PRSS22: variants seen among roughly 807,000 people sequenced by gnomAD.
PRSS22 encodes the protein brain-specific serine protease 4.
Under a neutral mutation model 28.0 loss-of-function variants are expected in PRSS22, and 26 were observed. That is an observed-to-expected ratio of 0.93 (90% confidence interval 0.68 to 1.29). The LOEUF (loss-of-function observed/expected upper bound fraction) is 1.29, where lower values mean the gene tolerates loss of function less well. Among genes scored for constraint, PRSS22 ranks in the 50% most tolerant of loss-of-function variants. The pLI is 0.00. For synonymous variants in PRSS22, 217 were observed against 177.9 expected (o/e 1.22, Z -1.75); for missense variants, 444 against 422.1 (o/e 1.05, Z -0.46).
intron 4 of PRSS22, among the ~76,000 whole-genome samples, chr16:2,855,347 C>CAAAAAAAAAAAAAAA (rs33950878): frequency 1.3e-3 from 87 of 68,962 alleles, no homozygotes; most frequent in Admixed American, 1.8e-3. Context: ...CACCCTGTCT[C>CAAAAAAAAAAAAAAA]AAAAAAAAAA....
chr16:2,852,783 G>A lies in PRSS22; in HGVS notation c.*310C>T. ...AGGAATAAATAAGATATGTGGGCAGGGTTACAAATACCTATAAAAATCATT... is the reference window on the plus strand; with the variant it reads ...AGGAATAAATAAGATATGTGGGCAGAGTTACAAATACCTATAAAAATCATT... On this transcript the variant is annotated 3_prime_UTR_variant, in exon 6 of 6. Transcript: ENST00000161006. 7.8e-6 allele frequency: 3 copies of A among 386,280 alleles called. No homozygotes were observed. The highest frequency in any genetic ancestry group is 1.4e-5 in the Non-Finnish European group (3 of 216,890). The allele number at this position is 386,280 out of a possible 1,614,324, so 23.9% of individuals were successfully genotyped here. A position where few individuals can be genotyped will look rare whatever the true frequency, so the allele number is the denominator to read the frequency against.
intron 4 of PRSS22, chr16:2,854,274 A>T (rs1438312893): frequency 2.1e-6 from 1 of 467,462 alleles, no homozygotes; most frequent in Non-Finnish European, 3.9e-6. Flanking sequence ...ATATCCACAG[A>T]TGGTTAGAGC....
rs747124300 is a variant in PRSS22 at position 2,856,264 on chromosome 16, C to T, written c.110-11G>A. The stretch of plus-strand genomic sequence containing the variant: ...CACAGGCTGGGGGAACTGGAGGGTA[C>T]GGTCAAGTTTTGTTATCTCCAACTT... On this transcript the variant is annotated splice_polypyrimidine_tract_variant and intron_variant, in intron 2 of 5. Transcript: ENST00000161006. The T allele has an allele frequency of 3.3e-5, 53 of 1,612,680 alleles. No individual in the cohort carries two copies. The highest frequency in any genetic ancestry group is 9.9e-5 in the South Asian group (9 of 91,048).
chr16:2,854,143 C>A, intron 4 of PRSS22, 121 bp from the exon 5 acceptor site: 1 of 1,103,218 alleles, frequency 9.1e-7, no homozygotes. Flanking sequence ...AACAGATTAG[C>A]TCTACCAGTC....
In PRSS22 at chr16:2,852,924, G is replaced by A. The variant is rs1161209823; in HGVS notation, c.*169C>T. 3 of 588,822 alleles carry A rather than the reference G, an allele frequency of 5.1e-6. No homozygotes were observed. Among genetic ancestry groups the A allele is most frequent in the Non-Finnish European group, 5.9e-6 (2 of 341,842 alleles). The allele number at this position is 588,822 out of a possible 1,614,324, so 36.5% of individuals were successfully genotyped here. On this transcript the variant is annotated 3_prime_UTR_variant, in exon 6 of 6. Transcript: ENST00000161006. ...CTTGGAGGCGGGGCCTGAGGCCGTC[G>A]GGCGGGTCGGGGAGGGGGTTTCCTT...
Position 2,853,799 on chromosome 16 carries a change from C to T in PRSS22, c.717+66G>A. ...GAGAGGTTGTGGGGCTCAGTGGGGACAGGACTGACGCTGGCTCCTTCCCGA... is the reference window on the plus strand; with the variant it reads ...GAGAGGTTGTGGGGCTCAGTGGGGATAGGACTGACGCTGGCTCCTTCCCGA... On this transcript the variant is annotated intron_variant, in intron 5 of 5. Coordinates refer to ENST00000161006, the MANE Select transcript of PRSS22 (RefSeq NM_022119.4). This position sits in a 1 kb window ranked among gnomAD's most constrained non-coding sequence, Gnocchi z 4.6. The T allele has an allele frequency of 6.3e-7, 1 of 1,575,726 alleles. No homozygotes were observed. The highest frequency in any genetic ancestry group is 1.1e-5 in the South Asian group (1 of 87,622).
intron 4 of PRSS22, 66 bp from the exon 5 acceptor site, chr16:2,854,088 A>G: frequency 1.3e-6 from 2 of 1,563,750 alleles, no homozygotes; most frequent in East Asian, 4.5e-5. Context: ...TCAAAGGACT[A>G]TTCCCCCCCA....
chr16:2,856,265 G>A lies in PRSS22; in HGVS notation c.110-12C>T, dbSNP rs373795208. 325 of 1,612,520 alleles carry A rather than the reference G, an allele frequency of 2.0e-4. No homozygotes were observed. The highest frequency in any genetic ancestry group is 7.1e-4 in the Middle Eastern group (4 of 5,608). ...ACAGGCTGGGGGAACTGGAGGGTAC[G>A]GTCAAGTTTTGTTATCTCCAACTTC... On this transcript the variant is annotated splice_polypyrimidine_tract_variant and intron_variant, in intron 2 of 5. Transcript: ENST00000161006.
chr16:2,856,914 T>C, intron 1 of PRSS22, 66 bp from the exon 2 acceptor site: 1 of 1,529,386 alleles, frequency 6.5e-7, no homozygotes, highest in Non-Finnish European at 8.9e-7. Context: ...TGAGGGGCCC[T>C]CAACGCCCAG....
chr16:2,854,556 A>C (rs1489215413), intron 4 of PRSS22: 1 of 153,544 alleles, frequency 6.5e-6, no homozygotes, highest in African/African-American at 2.4e-5. Flanking sequence ...CATTTCTCTT[A>C]ATTATTCTGG....
chr16:2,855,919 T>A (rs2069451295), intron 3 of PRSS22, 68 bp from the exon 4 acceptor site: 1 of 1,556,576 alleles, frequency 6.4e-7, no homozygotes, highest in Non-Finnish European at 8.7e-7. Context: ...GGGAACAGCA[T>A]GGGTGTGAAG....
Position 2,858,121 on chromosome 16 carries a change from G to C in PRSS22, c.-17C>G. The C allele has an allele frequency of 7.9e-7, 1 of 1,258,134 alleles. No individual in the cohort carries two copies. Among genetic ancestry groups the C allele is most frequent in the Non-Finnish European group, 1.0e-6 (1 of 994,390 alleles). 77.9% of individuals were successfully genotyped at this position (1,258,134 alleles called of 1,614,324 possible). A position where few individuals can be genotyped will look rare whatever the true frequency, so the allele number is the denominator to read the frequency against. ...AACCACCATGGCTGGTGGGGCGGGG[G>C]AGCAGGCAGCAGGCTCGAGAGACCC... is the stretch of plus-strand genomic sequence containing the variant. On this transcript the variant is annotated 5_prime_UTR_variant, in exon 1 of 6. Coordinates refer to ENST00000161006, the MANE Select transcript of PRSS22 (RefSeq NM_022119.4).
In PRSS22 at chr16:2,853,213, GAGGCTGATGT is replaced by G; in HGVS notation, c.824_833del (p.Tyr275SerfsTer136). The G allele has an allele frequency of 6.2e-7, 1 of 1,600,672 alleles. No individual in the cohort carries two copies. The highest frequency in any genetic ancestry group is 8.5e-7 in the Non-Finnish European group (1 of 1,179,742). On this transcript the variant is annotated frameshift_variant, in exon 6 of 6. Coordinates refer to ENST00000161006, the MANE Select transcript of PRSS22 (RefSeq NM_022119.4). LOFTEE classifies it low-confidence loss of function (END_TRUNC). This position sits in a 1 kb window ranked among gnomAD's most constrained non-coding sequence, Gnocchi z 4.6. ...TCTCCACCCAGGAGCGGTGCGCAGA[GAGGCTGATGT>G]AGACCCCGGGCCTGTTGCGCTCGGC... is the stretch of plus-strand genomic sequence containing the variant.
rs2069456552 is a variant in PRSS22, at chr16:2,856,309, A to T, written c.110-56T>A. On this transcript the variant is annotated intron_variant, in intron 2 of 5. Transcript: ENST00000161006. ...CAACTTCCTACAACCCACCCCCGGAATCCCAATCCCTAGGCCTGCACCCCA... is the reference window on the plus strand; with the variant it reads ...CAACTTCCTACAACCCACCCCCGGATTCCCAATCCCTAGGCCTGCACCCCA... The T allele has an allele frequency of 1.9e-6, 3 of 1,579,292 alleles. No homozygotes were observed. In the South Asian group the frequency reaches 3.4e-5, roughly 18 times the overall value.
chr16:2,855,366 AAG>A (rs1555473082), intron 4 of PRSS22, among the ~76,000 whole-genome samples: 5 of 69,986 alleles, frequency 7.1e-5, no homozygotes, highest in Non-Finnish European at 1.6e-4. Flanking sequence ...AAAAAAAAAA[AAG>A]AAGAAGAAGA....
At chr16:2,855,502 C>G in intron 4 of PRSS22, 72 bp downstream of exon 4, 4 of 1,549,972 alleles carry the variant, frequency 2.6e-6, no homozygotes, top group Non-Finnish European at 3.5e-6. Flanking sequence ...CTCATGGTGT[C>G]TGTGTCCCTG....
At chr16:2,857,954 G>A in intron 1 of PRSS22, 69 bp downstream of exon 1, 3 of 1,143,162 alleles carry the variant, frequency 2.6e-6, no homozygotes, top group East Asian at 3.2e-5. Flanking sequence ...GAGGGAGAGA[G>A]GGAGGGAGGG....
At position 2,855,773 on chromosome 16, in the gene PRSS22, C is replaced by A. The variant is rs143811641; in HGVS notation, c.360G>T (p.Lys120Asn). 1.2e-6 allele frequency: 2 copies of A among 1,614,026 alleles called. No homozygotes were observed. The highest frequency in any genetic ancestry group is 2.2e-5 in the East Asian group (1 of 44,892). ...GGGGCTCCACCCAGGCAACACCCAC[C>A]TTCTGGGACCGAGAGCCAGGGTTCC... Reference protein sequence around the residue: ...QLGNPGSRSQKVGVAWVEPHP... With the variant: ...QLGNPGSRSQNVGVAWVEPHP... Residue 120 changes from lysine to asparagine, a missense_variant, in exon 4 of 6, where the codon AAG becomes AAT. Physicochemically the swap from Lys to Asn is moderately conservative, Grantham distance 94. Coordinates refer to ENST00000161006, the MANE Select transcript of PRSS22 (RefSeq NM_022119.4).
Position 2,853,518 on chromosome 16 carries a change from T to C in PRSS22, c.718-189A>G, listed in dbSNP as rs1000268685. ...CAGAGTAGGAGCTGCAGCCAGGCCT[T>C]AAGACGTCCAGGCGCGGGTGCTGCC... On this transcript the variant is annotated intron_variant, in intron 5 of 5. Coordinates refer to ENST00000161006, the MANE Select transcript of PRSS22 (RefSeq NM_022119.4). This position sits in a 1 kb window ranked among gnomAD's most constrained non-coding sequence, Gnocchi z 4.6. Among the ~76,000 whole-genome samples the C allele has an allele frequency of 6.6e-6, 1 of 152,150 alleles. No individual in the cohort carries two copies. Among genetic ancestry groups the C allele is most frequent in the Non-Finnish European group, 1.5e-5 (1 of 68,018 alleles).
Sources: gnomAD v4.1 joint callset for allele counts (sites outside exome capture counted in the v4.1 genomes callset) on GRCh38, gnomAD v4.1.1 for gene constraint, Gnocchi (gnomAD v3.1) non-coding constraint, MANE v1.5 for transcripts, NCBI Gene and HGNC (gene_info 2026-07-23, HGNC 2026-07-21) for gene names.